DOCK10: variants seen among roughly 807,000 people sequenced by gnomAD.
DOCK10 encodes dedicator of cytokinesis protein 10.
In DOCK10, 145 loss-of-function variants were observed where a neutral mutation model predicts 280.1. The ratio of observed to expected loss-of-function variants is 0.52; its 90% CI spans 0.45 to 0.59. The LOEUF is 0.59. Ranked by LOEUF, DOCK10 falls within the 20% of genes least tolerant of loss-of-function variation. The probability of loss-of-function intolerance (pLI) is 0.00; values close to 1 mark genes in which losing one functional copy is unlikely to be tolerated. For missense variants in DOCK10, 2,368 were observed against 2,651.7 expected (o/e 0.89, Z 2.35); for synonymous variants, 915 against 942.2 (o/e 0.97, Z 0.53).
chr2:224,881,272 G>A (rs1368173162), intron 7 of DOCK10, among the ~76,000 whole-genome samples: 1 of 150,938 alleles, frequency 6.6e-6, no homozygotes, highest in Non-Finnish European at 1.5e-5. Context: ...TTTTTTCTGT[G>A]CATCCTTCCC....
At chr2:224,909,133 A>G (rs1700850825) in intron 3 of DOCK10, among the ~76,000 whole-genome samples, 1 of 152,208 alleles carries the variant, frequency 6.6e-6, no homozygotes, top group South Asian at 2.1e-4. Context: ...GCTTTCTTCC[A>G]ACTTTATATG....
chr2:224,912,468 A>T (rs954495444), intron 3 of DOCK10, among the ~76,000 whole-genome samples: 2 of 151,940 alleles, frequency 1.3e-5, no homozygotes, highest in African/African-American at 2.4e-5. Context: ...ATTCTAACTA[A>T]TTTTTTCCAA....
At chr2:224,881,677 T>A (rs1698984948) in intron 7 of DOCK10, among the ~76,000 whole-genome samples, 1 of 152,196 alleles carries the variant, frequency 6.6e-6, no homozygotes, top group Non-Finnish European at 1.5e-5. Context: ...TCATGTTCCA[T>A]CAAGTGCTGT....
intron 9 of DOCK10, 28 bp from the exon 10 acceptor site, chr2:224,874,377 G>C (rs749928623): frequency 6.4e-7 from 1 of 1,554,958 alleles, no homozygotes; most frequent in Admixed American, 1.7e-5. Context: ...TTAGTCCTTG[G>C]TATCTAAATA....
chr2:224,909,594 TA>T (rs1186214389), intron 3 of DOCK10, among the ~76,000 whole-genome samples: 1 of 152,164 alleles, frequency 6.6e-6, no homozygotes, highest in African/African-American at 2.4e-5. Context: ...ATAAAATGTG[TA>T]AGAACATGGA....
intron 1 of DOCK10, among the ~76,000 whole-genome samples, chr2:224,967,608 A>G (rs907313253): frequency 1.3e-5 from 2 of 152,168 alleles, no homozygotes; most frequent in African/African-American, 2.4e-5. Flanking sequence ...AAATCGCACC[A>G]GGAAATTAAG....
rs116688424 is a variant in DOCK10 at position 225,001,863 on chromosome 2, G to A, written c.123+40389C>T. Among the ~76,000 whole-genome samples, 24 of 152,232 alleles carry A rather than the reference G, an allele frequency of 1.6e-4. No homozygotes were observed. The South Asian group carries it at 2.3e-3, about 14-fold the overall frequency. On this transcript the variant is annotated intron_variant, in intron 1 of 55. Coordinates refer to ENST00000258390, the MANE Select transcript of DOCK10 (RefSeq NM_014689.3). ...AAATGAGCTCCCTTGAGCCTGTTTC[G>A]TAAGGGCACTAATCCCACTCCTGAG...
intron 40 of DOCK10, among the ~76,000 whole-genome samples, chr2:224,801,702 T>C (rs1693026038): frequency 6.6e-6 from 1 of 152,170 alleles, no homozygotes; most frequent in South Asian, 2.1e-4. Flanking sequence ...GGAGCTATGC[T>C]AAACATATGA....
At chr2:224,904,645 T>C (rs1700482022) in intron 3 of DOCK10, among the ~76,000 whole-genome samples, 1 of 152,170 alleles carries the variant, frequency 6.6e-6, no homozygotes, top group Non-Finnish European at 1.5e-5. Context: ...AATTTATTTA[T>C]ACATGCAACC....
rs757113366 is a variant in DOCK10 at position 224,844,761 on chromosome 2, T to C, written c.2560A>G (p.Asn854Asp). The C allele has an allele frequency of 8.8e-6, 14 of 1,591,464 alleles. No homozygotes were observed. The highest frequency in any genetic ancestry group is 2.7e-5 in the African/African-American group (2 of 74,628). ...CAGGTCAACATACTCACCTGAGTAT[T>C]TACTGTTGATACAACAAATGTCGAC... ...KVSTFVVSTV[N>D]TQDPHVNAFF... Residue 854 changes from asparagine to aspartate, a missense_variant, in exon 22 of 56, where the codon AAT becomes GAT. This residue lies in a region of DOCK10 where 1,209 missense variants were observed against 1,250.9 expected (regional missense o/e 0.97). Coordinates refer to ENST00000258390, the MANE Select transcript of DOCK10 (RefSeq NM_014689.3).
intron 28 of DOCK10, among the ~76,000 whole-genome samples, chr2:224,820,812 G>T (rs1694459139): frequency 6.6e-6 from 1 of 152,188 alleles, no homozygotes; most frequent in Non-Finnish European, 1.5e-5. Context: ...TTTAAACCAA[G>T]TCTCTCTCTA....
intron 29 of DOCK10, among the ~76,000 whole-genome samples, chr2:224,817,471 A>G (rs1186456872): frequency 6.6e-6 from 1 of 152,220 alleles, no homozygotes; most frequent in East Asian, 1.9e-4. Flanking sequence ...ATTTACTCAG[A>G]TATTTTAGAA....
intron 7 of DOCK10, among the ~76,000 whole-genome samples, chr2:224,881,660 T>A (rs1008769038): frequency 1.3e-5 from 2 of 152,130 alleles, no homozygotes; most frequent in Non-Finnish European, 2.9e-5. Context: ...AATGGAACAA[T>A]CATAGTTCAT....
chr2:224,999,902 A>G (rs1302505429), intron 1 of DOCK10, among the ~76,000 whole-genome samples: 1 of 152,206 alleles, frequency 6.6e-6, no homozygotes, highest in African/African-American at 2.4e-5. Context: ...GGAAAAGCTC[A>G]GCTATGGATT....
At chr2:225,006,203 G>A (rs1252742619) in intron 1 of DOCK10, among the ~76,000 whole-genome samples, 2 of 151,940 alleles carry the variant, frequency 1.3e-5, no homozygotes, top group African/African-American at 4.8e-5. Context: ...TCCATTTATG[G>A]CCATCTTAGT....
intron 3 of DOCK10, among the ~76,000 whole-genome samples, chr2:224,904,226 A>G (rs1700462641): frequency 6.6e-6 from 1 of 152,176 alleles, no homozygotes. Flanking sequence ...TATTTTGTAA[A>G]AAGTACACAC....
chr2:224,978,428 G>A (rs755071761), intron 1 of DOCK10, among the ~76,000 whole-genome samples: 2 of 151,814 alleles, frequency 1.3e-5, no homozygotes, highest in African/African-American at 4.8e-5. Context: ...GCAAGACTCC[G>A]TCTCGGAAAA....
intron 31 of DOCK10, among the ~76,000 whole-genome samples, chr2:224,812,755 T>G (rs1693866527): frequency 1.3e-5 from 2 of 152,234 alleles, no homozygotes; most frequent in African/African-American, 4.8e-5. Flanking sequence ...CATGTGGTTT[T>G]TGTCTTTGGT....
At chr2:224,945,439 T>C (rs1440900543) in intron 1 of DOCK10, among the ~76,000 whole-genome samples, 1 of 152,100 alleles carries the variant, frequency 6.6e-6, no homozygotes. Flanking sequence ...TAGAGCTACA[T>C]TTAATGTGAA....
Sources: gnomAD v4.1 joint callset for allele counts (sites outside exome capture counted in the v4.1 genomes callset) on GRCh38, gnomAD v4.1.1 for gene constraint, gnomAD v4.1.1 regional missense constraint, MANE v1.5 for transcripts, NCBI Gene and HGNC (gene_info 2026-07-23, HGNC 2026-07-21) for gene names.